The following DCDC1 variants were observed in gnomAD, a reference collection of about 807,000 sequenced individuals.
The protein encoded by DCDC1 is doublecortin domain containing 1.
In DCDC1, 200 loss-of-function variants were observed where a neutral mutation model predicts 178.3. That is an observed-to-expected ratio of 1.12 (90% CI 1.00 to 1.26). DCDC1 has a LOEUF of 1.26. Among genes scored for constraint, DCDC1 ranks in the 50% most tolerant of loss-of-function variants. The probability of loss-of-function intolerance (pLI) is 0.00; values close to 1 mark genes in which losing one functional copy is unlikely to be tolerated. For missense variants in DCDC1, 1,983 were observed against 1,749.2 expected, an observed-to-expected ratio of 1.13 and a Z score of -2.38; for synonymous variants, 690 against 604.8, an observed-to-expected ratio of 1.14 and a Z score of -2.07.
At chr11:31,236,473 A>T (rs937821723) in intron 9 of DCDC1, among the ~76,000 whole-genome samples, 5 of 152,036 alleles carry the variant, frequency 3.3e-5, no homozygotes, top group African/African-American at 1.2e-4. Flanking sequence ...TTAAAAAGTG[A>T]CAACTACATC....
intron 2 of DCDC1, among the ~76,000 whole-genome samples, chr11:31,330,749 T>C (rs1949933507): frequency 6.6e-6 from 1 of 152,196 alleles, no homozygotes; most frequent in Non-Finnish European, 1.5e-5. Context: ...TCTGTTCCAT[T>C]GGTCTATATC....
chr11:31,209,149 A>G (rs1565434059), intron 9 of DCDC1, among the ~76,000 whole-genome samples: 4 of 152,324 alleles, frequency 2.6e-5, no homozygotes, highest in Non-Finnish European at 1.5e-5. Context: ...GAATTTAAAC[A>G]GGTACTAATT....
At chr11:31,298,240 G>A (rs770472901) in intron 6 of DCDC1, among the ~76,000 whole-genome samples, 3 of 152,064 alleles carry the variant, frequency 2.0e-5, no homozygotes, top group African/African-American at 7.2e-5. Context: ...TTTCAGCAAG[G>A]TCTCTGCCCT....
intron 11 of DCDC1, among the ~76,000 whole-genome samples, chr11:31,114,645 C>T (rs188861927): frequency 8.5e-5 from 13 of 152,186 alleles, no homozygotes; most frequent in African/African-American, 3.1e-4. Context: ...GGAATGTGTC[C>T]AGTATGTTCC....
At chr11:31,297,989 T>G (rs1947823571) in intron 6 of DCDC1, among the ~76,000 whole-genome samples, 1 of 152,176 alleles carries the variant, frequency 6.6e-6, no homozygotes, top group Non-Finnish European at 1.5e-5. Context: ...CTTGGGCACA[T>G]GTCATCAGGA....
At chr11:30,913,279 G>C (rs1945582705) in intron 27 of DCDC1, among the ~76,000 whole-genome samples, 1 of 152,002 alleles carries the variant, frequency 6.6e-6, no homozygotes, top group Admixed American at 6.6e-5. Flanking sequence ...GTGGTGGCGG[G>C]TGCCTGTAGT....
chr11:31,194,992 G>A (rs1425728713), intron 9 of DCDC1, among the ~76,000 whole-genome samples: 1 of 151,970 alleles, frequency 6.6e-6, no homozygotes, highest in Non-Finnish European at 1.5e-5. Flanking sequence ...ACATCTATCT[G>A]CCCCCTTACC....
chr11:31,288,439 T>G (rs962258260), intron 7 of DCDC1, among the ~76,000 whole-genome samples: 9 of 151,944 alleles, frequency 5.9e-5, no homozygotes, highest in Admixed American at 2.0e-4. Context: ...CATTTCAAAC[T>G]TCTTAATTAC....
chr11:31,127,923 T>C (rs1961877925), intron 10 of DCDC1, among the ~76,000 whole-genome samples: 1 of 152,124 alleles, frequency 6.6e-6, no homozygotes, highest in African/African-American at 2.4e-5. Context: ...ACATATACAT[T>C]TGACAAGTTT....
intron 11 of DCDC1, among the ~76,000 whole-genome samples, chr11:31,113,097 AC>A (rs1279579996): frequency 6.6e-6 from 1 of 152,216 alleles, no homozygotes; most frequent in African/African-American, 2.4e-5. Context: ...ATGCAAAACT[AC>A]AATGCAAAAC....
At chr11:31,315,354 G>T (rs1309734859) in intron 3 of DCDC1, among the ~76,000 whole-genome samples, 2 of 107,050 alleles carry the variant, frequency 1.9e-5, no homozygotes, top group Non-Finnish European at 3.4e-5. Flanking sequence ...GTCTCGCTCT[G>T]TCACCCAGGC....
intron 1 of DCDC1, among the ~76,000 whole-genome samples, chr11:31,362,697 G>A (rs529512010): frequency 1.2e-3 from 184 of 152,224 alleles, no homozygotes; most frequent in Middle Eastern, 3.4e-3. Flanking sequence ...TGCTTCTACA[G>A]TAGATTAAAA....
chr11:30,914,462 A>G (rs954698132), intron 27 of DCDC1, among the ~76,000 whole-genome samples: 7 of 152,208 alleles, frequency 4.6e-5, no homozygotes, highest in Admixed American at 2.6e-4. Context: ...TCCCAGAAAA[A>G]ATAAATTGCA....
chr11:30,971,334 A>G (rs974421958), intron 20 of DCDC1, among the ~76,000 whole-genome samples: 1 of 152,214 alleles, frequency 6.6e-6, no homozygotes, highest in Non-Finnish European at 1.5e-5. Flanking sequence ...AAAATAAATT[A>G]TGAAATGCCA....
chr11:31,051,949 C>A (rs946796515), intron 20 of DCDC1, among the ~76,000 whole-genome samples: 11 of 151,932 alleles, frequency 7.2e-5, no homozygotes, highest in Admixed American at 2.6e-4. Flanking sequence ...AACAAAAAAA[C>A]AAATTACACA....
At chr11:31,056,363 C>T (rs545973437) in intron 20 of DCDC1, among the ~76,000 whole-genome samples, 1 of 152,020 alleles carries the variant, frequency 6.6e-6, no homozygotes, top group East Asian at 1.9e-4. Flanking sequence ...CCAGTAATTA[C>T]ATTATTGGAA....
intron 9 of DCDC1, among the ~76,000 whole-genome samples, chr11:31,174,209 C>T (rs945548025): frequency 6.6e-6 from 1 of 152,216 alleles, no homozygotes; most frequent in Admixed American, 6.5e-5. Flanking sequence ...TGTCAGAGGC[C>T]TGGGAAGGCC....
At chr11:31,366,670 A>G (rs1951973208) in intron 1 of DCDC1, among the ~76,000 whole-genome samples, 1 of 152,198 alleles carries the variant, frequency 6.6e-6, no homozygotes, top group African/African-American at 2.4e-5. Context: ...AGTTCCATCT[A>G]TGTCTTGCTG....
chr11:30,910,088 GT>G (rs1313680261), intron 28 of DCDC1, among the ~76,000 whole-genome samples: 3 of 152,168 alleles, frequency 2.0e-5, no homozygotes, highest in African/African-American at 7.2e-5. Context: ...ACAGAAAAGG[GT>G]CTAGTAGCAT....
Sources: allele counts gnomAD v4.1 joint callset (sites outside exome capture counted in the v4.1 genomes callset), GRCh38; gene constraint gnomAD v4.1.1; transcripts MANE v1.5; gene names NCBI Gene and HGNC (gene_info 2026-07-23, HGNC 2026-07-21).